Variants in CHRM3 observed in about 807,000 individuals in gnomAD.
CHRM3 encodes the protein muscarinic acetylcholine receptor M3.
CHRM3 carries 11 observed loss-of-function variants against 41.8 expected under a neutral mutation model. The ratio of observed to expected loss-of-function variants is 0.26; its 90% CI spans 0.17 to 0.44. The LOEUF (loss-of-function observed/expected upper bound fraction) is 0.44. Ranked by LOEUF, CHRM3 falls within the 20% of genes least tolerant of loss-of-function variation. The pLI is 1.00. For missense variants in CHRM3, 571 were observed against 745.4 expected, an observed-to-expected ratio of 0.77 and a Z score of 2.72; for synonymous variants, 297 against 301.4, an observed-to-expected ratio of 0.99 and a Z score of 0.15.
chr1:239,390,056 T>C (rs1303458745), intron 1 of CHRM3, among the ~76,000 whole-genome samples: 1 of 152,186 alleles, frequency 6.6e-6, no homozygotes, highest in Middle Eastern at 3.2e-3. Flanking sequence ...CACAGTGTGA[T>C]TTTGGAGGAT....
At chr1:239,573,690 C>T (rs954521590) in intron 3 of CHRM3, among the ~76,000 whole-genome samples, 5 of 151,738 alleles carry the variant, frequency 3.3e-5, no homozygotes, top group African/African-American at 9.7e-5. Context: ...ATCTTTAGCT[C>T]GTCCCAGGTC....
At chr1:239,538,946 T>A (rs1658469073) in intron 2 of CHRM3, among the ~76,000 whole-genome samples, 1 of 152,168 alleles carries the variant, frequency 6.6e-6, no homozygotes, top group Admixed American at 6.5e-5. Flanking sequence ...AAATATAACT[T>A]TAGGATTTTA....
intron 5 of CHRM3, among the ~76,000 whole-genome samples, chr1:239,731,063 A>G (rs1257371445): frequency 6.6e-6 from 1 of 152,006 alleles, no homozygotes; most frequent in Non-Finnish European, 1.5e-5. Context: ...GTTGGAAGAT[A>G]GTGGTGCCAT....
chr1:239,773,097 G>T (rs1242097445), intron 5 of CHRM3, among the ~76,000 whole-genome samples: 1 of 152,048 alleles, frequency 6.6e-6, no homozygotes, highest in Non-Finnish European at 1.5e-5. Context: ...TAAAATGTTT[G>T]GGAAAGTCTA....
chr1:239,478,093 G>A (rs1666586814), intron 1 of CHRM3, among the ~76,000 whole-genome samples: 1 of 152,170 alleles, frequency 6.6e-6, no homozygotes, highest in Admixed American at 6.5e-5. Flanking sequence ...CCACAATGTG[G>A]AAACCAGTTG....
intron 4 of CHRM3, among the ~76,000 whole-genome samples, chr1:239,653,218 G>T (rs1018456266): frequency 1.3e-5 from 2 of 152,122 alleles, no homozygotes; most frequent in African/African-American, 4.8e-5. Flanking sequence ...GAGGCATCAC[G>T]AGTAAGGGGG....
intron 4 of CHRM3, among the ~76,000 whole-genome samples, chr1:239,636,526 T>A (rs1265643083): frequency 1.3e-5 from 2 of 152,194 alleles, no homozygotes; most frequent in East Asian, 1.9e-4. Flanking sequence ...AGCCTCGTGG[T>A]TACATTACAG....
chr1:239,791,333 G>A (rs1669336198), intron 5 of CHRM3, among the ~76,000 whole-genome samples: 1 of 152,122 alleles, frequency 6.6e-6, no homozygotes, highest in South Asian at 2.1e-4. Context: ...TCGAACTCCT[G>A]GCTTCAAGCA....
At chr1:239,696,535 C>G (rs1660208136) in intron 5 of CHRM3, among the ~76,000 whole-genome samples, 1 of 152,078 alleles carries the variant, frequency 6.6e-6, no homozygotes, top group Non-Finnish European at 1.5e-5. Context: ...TGAAAACACC[C>G]ACTTCCCAGG....
chr1:239,822,835 C>T (rs1238030020), intron 5 of CHRM3, among the ~76,000 whole-genome samples: 3 of 152,098 alleles, frequency 2.0e-5, no homozygotes, highest in Admixed American at 6.6e-5. Context: ...CAATTTGCAA[C>T]GTTTGCATCA....
At chr1:239,688,864 T>C (rs1039619342) in intron 5 of CHRM3, among the ~76,000 whole-genome samples, 2 of 143,202 alleles carry the variant, frequency 1.4e-5, no homozygotes, top group African/African-American at 2.5e-5. Flanking sequence ...TTTATTTTTA[T>C]ATATTATATA....
At chr1:239,688,088 G>A (rs1412780374) in intron 5 of CHRM3, among the ~76,000 whole-genome samples, 1 of 151,646 alleles carries the variant, frequency 6.6e-6, no homozygotes, top group Non-Finnish European at 1.5e-5. Context: ...GAAAAAAATT[G>A]GGAGTTTTGA....
intron 3 of CHRM3, among the ~76,000 whole-genome samples, chr1:239,580,706 C>T (rs11810878): frequency 0.77 from 72,748 of 94,860 alleles, 28,503 homozygotes; most frequent in Non-Finnish European, 0.88. Flanking sequence ...TATATATATA[C>T]ACACACACAC....
At chr1:239,415,879 T>C (rs980661125) in intron 1 of CHRM3, among the ~76,000 whole-genome samples, 6 of 152,190 alleles carry the variant, frequency 3.9e-5, no homozygotes, top group Admixed American at 6.5e-5. Context: ...AAATAATGCA[T>C]TGTTGGTATA....
Position 239,630,703 on chromosome 1 carries a change from A to AG in CHRM3, c.-312-1520dup, listed in dbSNP as rs138309499. Among the ~76,000 whole-genome samples the AG allele has an allele frequency of 3.3e-3, 504 of 152,290 alleles. 6 individuals carry two copies. The highest frequency in any genetic ancestry group is 0.012 in the African/African-American group (483 of 41,562). On this transcript the variant is annotated intron_variant, in intron 3 of 6. Transcript: ENST00000676153. ...CTAGGTACACAGATATTATTTCCTG[A>AG]GAATGTGCTGCTATGTAAGAGAGGC...
At chr1:239,555,283 G>A (rs541754250) in intron 3 of CHRM3, among the ~76,000 whole-genome samples, 1 of 152,290 alleles carries the variant, frequency 6.6e-6, no homozygotes, top group East Asian at 1.9e-4. Context: ...AGTCTTCTCT[G>A]TGCTGAAACA....
chr1:239,605,898 C>G (rs541872888), intron 3 of CHRM3: 6 of 152,278 alleles, frequency 3.9e-5, no homozygotes, highest in Middle Eastern at 6.8e-3. Context: ...ACTTTAGGTT[C>G]AGTTTCCAAG....
intron 6 of CHRM3, among the ~76,000 whole-genome samples, chr1:239,852,990 G>A (rs1299882179): frequency 2.0e-5 from 3 of 151,908 alleles, no homozygotes; most frequent in Non-Finnish European, 2.9e-5. Flanking sequence ...TATACTTGGC[G>A]TTTGTTTTTC....
chr1:239,452,064 T>C (rs1664595830), intron 1 of CHRM3, among the ~76,000 whole-genome samples: 1 of 152,200 alleles, frequency 6.6e-6, no homozygotes. Context: ...ATTCCTTTCT[T>C]GTAACTATGT....
Sources: allele counts gnomAD v4.1 joint callset (sites outside exome capture counted in the v4.1 genomes callset), GRCh38; gene constraint gnomAD v4.1.1; transcripts MANE v1.5; gene names NCBI Gene and HGNC (gene_info 2026-07-23, HGNC 2026-07-21).